The following ASXL3 variants were observed in gnomAD, a reference collection of about 807,000 sequenced individuals.
ASXL3 encodes the protein putative Polycomb group protein ASXL3.
In ASXL3, 34 loss-of-function variants were observed where a neutral mutation model predicts 170.6. The ratio of observed to expected loss-of-function variants is 0.20; its 90% CI spans 0.15 to 0.27. The LOEUF is 0.27. ASXL3 is among the 10% of genes least tolerant of loss of function. The probability of loss-of-function intolerance (pLI) is 1.00; values close to 1 mark genes in which losing one functional copy is unlikely to be tolerated. For synonymous variants in ASXL3, 1,002 were observed against 989.1 expected (o/e 1.01, Z -0.24); for missense variants, 2,592 against 2,695.3 (o/e 0.96, Z 0.85).
At chr18:33,614,750 CTT>C (rs1329044929) in intron 2 of ASXL3, 1 of 152,024 alleles carries the variant, frequency 6.6e-6, no homozygotes, top group African/African-American at 2.4e-5. Flanking sequence ...ACATTAGTCT[CTT>C]TGTACATCTC....
intron 8 of ASXL3, among the ~76,000 whole-genome samples, chr18:33,726,301 G>A (rs539038135): frequency 3.9e-5 from 6 of 152,150 alleles, no homozygotes; most frequent in South Asian, 2.1e-4. Context: ...CCTCCAGTGC[G>A]GTTATCCCAG....
intron 7 of ASXL3, among the ~76,000 whole-genome samples, chr18:33,676,021 G>A (rs974191776): frequency 6.6e-6 from 1 of 151,592 alleles, no homozygotes; most frequent in Non-Finnish European, 1.5e-5. Context: ...TCAGGAGATC[G>A]AGACCATCCT....
chr18:33,713,262 T>TG (rs2067106039), intron 8 of ASXL3, among the ~76,000 whole-genome samples: 10 of 118,718 alleles, frequency 8.4e-5, no homozygotes, highest in Non-Finnish European at 1.4e-4. Flanking sequence ...TTTTTTTTTT[T>TG]TTTTTTTTTT....
chr18:33,658,365 G>A (rs1173663659), intron 4 of ASXL3, among the ~76,000 whole-genome samples: 3 of 152,072 alleles, frequency 2.0e-5, no homozygotes, highest in African/African-American at 7.2e-5. Flanking sequence ...GAATCTGCAC[G>A]AACCTGCACA....
At position 33,738,480 on chromosome 18, in the gene ASXL3, T is replaced by C. The variant is rs1303422048; in HGVS notation, c.1083-7T>C. ...TGAGCAATAATTTATTTCTAATTTCTGTACAGGCTGGGCATGTCAAGAGAG... is the reference window on the plus strand; with the variant it reads ...TGAGCAATAATTTATTTCTAATTTCCGTACAGGCTGGGCATGTCAAGAGAG... On this transcript the variant is annotated splice_polypyrimidine_tract_variant and splice_region_variant and intron_variant, in intron 10 of 11. Transcript: ENST00000269197. The C allele has an allele frequency of 1.9e-6, 3 of 1,583,532 alleles. No homozygotes were observed. Among genetic ancestry groups the C allele is most frequent in the Non-Finnish European group, 2.6e-6 (3 of 1,165,898 alleles).
At chr18:33,729,716 T>TA (rs1240948291) in intron 8 of ASXL3, among the ~76,000 whole-genome samples, 12 of 152,268 alleles carry the variant, frequency 7.9e-5, no homozygotes, top group Non-Finnish European at 1.6e-4. Context: ...AAGGATGTTG[T>TA]AGCTCATCAT....
intron 8 of ASXL3, among the ~76,000 whole-genome samples, chr18:33,698,317 C>G (rs1204407184): frequency 6.6e-6 from 1 of 152,150 alleles, no homozygotes. Context: ...TCTTGGATCT[C>G]ACAGCCCCTA....
At chr18:33,631,447 G>GT (rs1396929482) in intron 2 of ASXL3, among the ~76,000 whole-genome samples, 7 of 151,944 alleles carry the variant, frequency 4.6e-5, no homozygotes, top group African/African-American at 1.7e-4. Flanking sequence ...TGGTGAGAAT[G>GT]TAAACCAAAA....
chr18:33,710,863 AT>A (rs1428713150), intron 8 of ASXL3, among the ~76,000 whole-genome samples: 1 of 152,024 alleles, frequency 6.6e-6, no homozygotes, highest in Admixed American at 6.6e-5. Flanking sequence ...TCTTTACTGA[AT>A]TTTTTATGGG....
chr18:33,694,624 G>A (rs545670215), intron 8 of ASXL3, among the ~76,000 whole-genome samples: 2 of 151,552 alleles, frequency 1.3e-5, no homozygotes, highest in South Asian at 2.1e-4. Flanking sequence ...TTGTCCAAAT[G>A]GTAATTGCAG....
At chr18:33,685,575 A>T (rs1442321112) in intron 8 of ASXL3, among the ~76,000 whole-genome samples, 1 of 152,228 alleles carries the variant, frequency 6.6e-6, no homozygotes, top group Non-Finnish European at 1.5e-5. Flanking sequence ...CAACTGCATT[A>T]GTCCATTTGC....
At chr18:33,670,360 G>A (rs2066320537) in intron 5 of ASXL3, among the ~76,000 whole-genome samples, 1 of 152,218 alleles carries the variant, frequency 6.6e-6, no homozygotes, top group Non-Finnish European at 1.5e-5. Context: ...TGACTTGGGA[G>A]TCATAGTTTC....
intron 8 of ASXL3, among the ~76,000 whole-genome samples, chr18:33,713,253 T>TTTTTTTTTTTTTTTTTTTTTTTTTTTG (rs2067105136): frequency 1.2e-5 from 1 of 83,800 alleles, no homozygotes; most frequent in African/African-American, 5.2e-5. Context: ...GTTTTGTTTT[T>TTTTTTTTTTTTTTTTTTTTTTTTTTTG]TTTTTTTTTT....
chr18:33,709,491 A>G (rs985715911), intron 8 of ASXL3, among the ~76,000 whole-genome samples: 2 of 152,226 alleles, frequency 1.3e-5, no homozygotes, highest in Non-Finnish European at 2.9e-5. Context: ...CCATGGATGA[A>G]TCTCACAAAT....
rs1296305173 is a variant in ASXL3 at position 33,740,416 on chromosome 18, A to G, written c.3012A>G (p.Arg1004=). ...SSPPEKEQPP[R]EEPRVPPLKI... ...CACCTGAGAAAGAACAGCCTCCCAG[A>G]GAGGAACCAAGGGTTCCCCCTCTCA... The change falls in exon 11 of 12, where the codon AGA becomes AGG. Residue 1004 remains arginine (R), a synonymous_variant. Transcript: ENST00000269197. 1.3e-6 allele frequency: 2 copies of G among 1,588,906 alleles called. No homozygotes were observed.
At chr18:33,584,882 GTGTGTGTGTGTATGTGTGTCTGTA>G (rs1212487503) in intron 1 of ASXL3, among the ~76,000 whole-genome samples, 5 of 150,430 alleles carry the variant, frequency 3.3e-5, no homozygotes, top group African/African-American at 1.2e-4. Context: ...GTGTATATAT[GTGTGTGTGTGTATGTGTGTCTGTA>G]TGTGTGTGTG....
chr18:33,648,144 G>GTAGAGT (rs1436739239), intron 4 of ASXL3, among the ~76,000 whole-genome samples: 1 of 152,230 alleles, frequency 6.6e-6, no homozygotes, highest in East Asian at 1.9e-4. Context: ...TTAAGCCATT[G>GTAGAGT]TAGAGTTTTG....
At position 33,748,149 on chromosome 18, in the gene ASXL3, G is replaced by A. The variant is rs2067827197; in HGVS notation, c.*1554G>A. ...GGGGTGGGGAATCATCTGTATCCAG[G>A]GTAAGAATGACCAATATTTTCACAT... is the stretch of plus-strand genomic sequence containing the variant. On this transcript the variant is annotated 3_prime_UTR_variant, in exon 12 of 12. Coordinates refer to ENST00000269197, the MANE Select transcript of ASXL3 (RefSeq NM_030632.3). The A allele has an allele frequency of 6.6e-6, 1 of 152,022 alleles. No individual in the cohort carries two copies. Among genetic ancestry groups the A allele is most frequent in the African/African-American group, 2.4e-5 (1 of 41,374 alleles). The allele number at this position is 152,022 out of a possible 1,614,324, so 9.4% of individuals were successfully genotyped here.
intron 2 of ASXL3, among the ~76,000 whole-genome samples, chr18:33,622,579 G>A (rs183074378): frequency 1.7e-4 from 26 of 152,240 alleles, no homozygotes; most frequent in Admixed American, 1.2e-3. Context: ...GTTGCAGTCT[G>A]AAGGTGGGTA....
Sources: gnomAD v4.1 joint callset for allele counts (sites outside exome capture counted in the v4.1 genomes callset) on GRCh38, gnomAD v4.1.1 for gene constraint, MANE v1.5 for transcripts, NCBI Gene and HGNC (gene_info 2026-07-23, HGNC 2026-07-21) for gene names.